Variants in DYSF observed in about 807,000 individuals in gnomAD.
The protein encoded by DYSF is dystrophy-associated fer-1-like 1.
DYSF carries 212 observed loss-of-function variants against 274.9 expected under a neutral mutation model. The ratio of observed to expected loss-of-function variants is 0.77; its 90% CI spans 0.69 to 0.86. The LOEUF is 0.86. Ranked by LOEUF, DYSF falls within the 40% of genes least tolerant of loss-of-function variation. The pLI, the probability that DYSF is intolerant of heterozygous loss-of-function variation, is 0.00. For synonymous variants in DYSF, 1,091 were observed against 1,078.7 expected (o/e 1.01, Z -0.22); for missense variants, 2,666 against 2,783.2 (o/e 0.96, Z 0.95).
chr2:71,611,732 G>T, intron 38 of DYSF, 106 bp downstream of exon 38: 6 of 1,388,722 alleles, frequency 4.3e-6, no homozygotes, highest in African/African-American at 1.4e-5. Context: ...CGGGATCCAG[G>T]GTAGGACCCC....
At chr2:71,458,282 T>A (rs891378056) in intron 1 of DYSF, among the ~76,000 whole-genome samples, 2 of 152,242 alleles carry the variant, frequency 1.3e-5, no homozygotes, top group African/African-American at 2.4e-5. Context: ...AAATTTATTA[T>A]AATCATTACT....
intron 52 of DYSF, 46 bp from the exon 53 acceptor site, chr2:71,679,011 G>A (rs756002185): frequency 6.3e-7 from 1 of 1,584,480 alleles, no homozygotes; most frequent in Non-Finnish European, 8.7e-7. Flanking sequence ...CTACAGGCTG[G>A]CAGTGATCGA....
chr2:71,575,046 A>T (rs2092655778), intron 30 of DYSF, among the ~76,000 whole-genome samples: 1 of 152,124 alleles, frequency 6.6e-6, no homozygotes, highest in African/African-American at 2.4e-5. Context: ...TCCAGCCAGG[A>T]CTGGCACCTC....
intron 12 of DYSF, 84 bp downstream of exon 12, chr2:71,520,988 A>G: frequency 1.8e-6 from 2 of 1,109,426 alleles, no homozygotes; most frequent in East Asian, 2.5e-5. Flanking sequence ...CAAAAACTCT[A>G]TTTTTTTTTC....
intron 30 of DYSF, among the ~76,000 whole-genome samples, chr2:71,580,193 G>A (rs773622846): frequency 7.2e-5 from 11 of 152,246 alleles, no homozygotes; most frequent in Non-Finnish European, 1.5e-4. Flanking sequence ...TCACCTGATA[G>A]CCAGGCAGCT....
upstream of DYSF, chr2:71,466,605 C>T (rs1293693717): frequency 2.5e-6 from 3 of 1,221,638 alleles, no homozygotes; most frequent in East Asian, 3.3e-5. Flanking sequence ...CCCCGCCCGC[C>T]GCGGGCAGGG....
intron 2 of DYSF, 79 bp from the exon 3 acceptor site, chr2:71,481,800 G>A: frequency 8.6e-7 from 1 of 1,165,902 alleles, no homozygotes; most frequent in Non-Finnish European, 1.3e-6. Flanking sequence ...CAGTGCCCTG[G>A]TGGCACGAAG....
intron 1 of DYSF, among the ~76,000 whole-genome samples, chr2:71,455,889 C>T (rs1183431845): frequency 2.6e-5 from 4 of 152,142 alleles, no homozygotes; most frequent in Admixed American, 6.5e-5. Flanking sequence ...ACACTCAATA[C>T]ACTAGGCTTC....
intron 8 of DYSF, 97 bp downstream of exon 8, chr2:71,515,848 T>G (rs13428194): frequency 6.4e-7 from 1 of 1,551,784 alleles, no homozygotes; most frequent in South Asian, 1.2e-5. Context: ...AGTGTTTACG[T>G]ATGGCGCTGA....
At chr2:71,642,085 C>A (rs543515829) in intron 41 of DYSF, among the ~76,000 whole-genome samples, 1 of 152,190 alleles carries the variant, frequency 6.6e-6, no homozygotes, top group Non-Finnish European at 1.5e-5. Flanking sequence ...AAGTGTGATA[C>A]CTTCCCCACA....
chr2:71,571,866 G>C (rs952151339), intron 29 of DYSF, among the ~76,000 whole-genome samples: 8 of 107,482 alleles, frequency 7.4e-5, no homozygotes, highest in African/African-American at 2.2e-4. Context: ...ACCACACACA[G>C]ATCACACCCA....
chr2:71,597,860 G>A (rs760563212), intron 32 of DYSF, among the ~76,000 whole-genome samples: 1 of 152,132 alleles, frequency 6.6e-6, no homozygotes, highest in Non-Finnish European at 1.5e-5. Flanking sequence ...ATTCCTCCCT[G>A]GACCACTGCA....
At chr2:71,564,476 C>T (rs1243759482) in intron 24 of DYSF, among the ~76,000 whole-genome samples, 1 of 152,198 alleles carries the variant, frequency 6.6e-6, no homozygotes, top group Non-Finnish European at 1.5e-5. Flanking sequence ...GAGTCTGTGG[C>T]CCAGGCCATC....
chr2:71,568,400 C>G, intron 26 of DYSF, 62 bp downstream of exon 26: 1 of 1,592,512 alleles, frequency 6.3e-7, no homozygotes, highest in African/African-American at 1.3e-5. Context: ...TGGACTGCAC[C>G]CTCCTTTTGG....
chr2:71,618,425 T>G (rs1212299650), intron 40 of DYSF, among the ~76,000 whole-genome samples: 2 of 108,058 alleles, frequency 1.9e-5, no homozygotes, highest in African/African-American at 3.8e-5. Context: ...GTGTGTGTGG[T>G]AGAGGTGGGG....
intron 40 of DYSF, among the ~76,000 whole-genome samples, chr2:71,618,557 GGA>G (rs1260042645): frequency 2.1e-5 from 3 of 142,184 alleles, no homozygotes; most frequent in Non-Finnish European, 4.7e-5. Context: ...TGGTAGAGGT[GGA>G]GTGTGTGTTT....
intron 3 of DYSF, among the ~76,000 whole-genome samples, chr2:71,500,943 T>C (rs2084913048): frequency 6.6e-6 from 1 of 152,090 alleles, no homozygotes; most frequent in South Asian, 2.1e-4. Flanking sequence ...GTTACTCTGA[T>C]CTCTGATGTC....
chr2:71,544,900 C>T (rs563987358), intron 17 of DYSF, among the ~76,000 whole-genome samples: 2 of 152,290 alleles, frequency 1.3e-5, no homozygotes, highest in African/African-American at 4.8e-5. Flanking sequence ...AGGGGCTGGG[C>T]ATAGAGGGTT....
At chr2:71,530,881 C>T (rs754700771) in intron 14 of DYSF, among the ~76,000 whole-genome samples, 1 of 152,086 alleles carries the variant, frequency 6.6e-6, no homozygotes, top group Non-Finnish European at 1.5e-5. Flanking sequence ...TACCCACCCA[C>T]CCCAGCTGGC....
Sources: gnomAD v4.1 joint callset for allele counts (sites outside exome capture counted in the v4.1 genomes callset) on GRCh38, gnomAD v4.1.1 for gene constraint, MANE v1.5 for transcripts, NCBI Gene and HGNC (gene_info 2026-07-23, HGNC 2026-07-21) for gene names.